The following ADAMDEC1 variants were observed in gnomAD, a reference collection of about 807,000 sequenced individuals.
ADAMDEC1 encodes ADAM DEC1.
A neutral mutation model predicts 60.4 loss-of-function variants in ADAMDEC1; 62 were observed. The observed-to-expected ratio is 1.03, with a 90% CI of 0.84 to 1.27. The LOEUF (loss-of-function observed/expected upper bound fraction) is 1.27, where lower values mean the gene tolerates loss of function less well. Among genes scored for constraint, ADAMDEC1 ranks in the 50% most tolerant of loss-of-function variants. The probability of loss-of-function intolerance (pLI) is 0.00; values close to 1 mark genes in which losing one functional copy is unlikely to be tolerated. For synonymous variants in ADAMDEC1, 210 were observed against 195.1 expected (o/e 1.08, Z -0.64); for missense variants, 595 against 565.0 (o/e 1.05, Z -0.54).
At chr8:24,403,282 A>G (rs1442340050) in intron 12 of ADAMDEC1, among the ~76,000 whole-genome samples, 1 of 152,108 alleles carries the variant, frequency 6.6e-6, no homozygotes, top group East Asian at 1.9e-4. Context: ...TGTATACTTC[A>G]TACAGTATTG....
At position 24,405,407 on chromosome 8, in the gene ADAMDEC1, C is replaced by A; in HGVS notation, c.*109C>A. On this transcript the variant is annotated 3_prime_UTR_variant, in exon 14 of 14. Transcript: ENST00000256412. ...TCACCCATAATGGTCTTTCACTTGT[C>A]ATTCTACTTTCTATATTGTTATCAG... The A allele has an allele frequency of 1.6e-6, 2 of 1,254,630 alleles. No homozygotes were observed. Among genetic ancestry groups the A allele is most frequent in the South Asian group, 1.3e-5 (1 of 76,380 alleles). 77.7% of individuals were successfully genotyped at this position (1,254,630 alleles called of 1,614,324 possible).
chr8:24,397,834 C>A, intron 7 of ADAMDEC1, 89 bp downstream of exon 7: 1 of 1,267,696 alleles, frequency 7.9e-7, no homozygotes, highest in Non-Finnish European at 1.1e-6. Flanking sequence ...ACTATTTTAG[C>A]TAATCATGGG....
In ADAMDEC1 at chr8:24,403,348, G is replaced by T. The variant is rs568990959; in HGVS notation, c.1321-655G>T. ...TGATATCCCAGTTTATTATTCCTAG[G>T]TATATAGTTAGGGTTTTTTTTTTAG... On this transcript the variant is annotated intron_variant, in intron 12 of 13. Coordinates refer to ENST00000256412, the MANE Select transcript of ADAMDEC1 (RefSeq NM_014479.3). 8.6e-5 allele frequency among the ~76,000 whole-genome samples: 13 copies of T among 151,702 alleles called. No homozygotes were observed. In the East Asian group the frequency reaches 1.5e-3, roughly 18 times the overall value.
At chr8:24,396,392 G>A (rs576449496) in intron 5 of ADAMDEC1, among the ~76,000 whole-genome samples, 34 of 152,138 alleles carry the variant, frequency 2.2e-4, no homozygotes, top group Admixed American at 7.9e-4. Context: ...GGCGCCTGTA[G>A]TCCCAGCTAC....
chr8:24,392,885 GGTTTTTTT>G lies in ADAMDEC1; in HGVS notation c.208-376_208-369del, dbSNP rs1199364594. On this transcript the variant is annotated intron_variant, in intron 2 of 13. Coordinates refer to ENST00000256412, the MANE Select transcript of ADAMDEC1 (RefSeq NM_014479.3). Reference sequence around the variant, plus strand: ...TTACCTAATTCTTAGTGGGTTGAGAGGTTTTTTTTTTTTTTTTTTTTTTTTTTAGTATT... The same window carrying G: ...TTACCTAATTCTTAGTGGGTTGAGAGTTTTTTTTTTTTTTTTTTTAGTATT... 9.9e-3 allele frequency among the ~76,000 whole-genome samples: 854 copies of G among 85,964 alleles called. 8 individuals are homozygous for G. Among genetic ancestry groups the G allele is most frequent in the African/African-American group, 0.028 (828 of 29,100 alleles). 56.4% of individuals were successfully genotyped at this position (85,964 alleles called of 152,430 possible). A position where few individuals can be genotyped will look rare whatever the true frequency, so the allele number is the denominator to read the frequency against.
rs908438733 is a variant in ADAMDEC1 at position 24,405,371 on chromosome 8, C to A, written c.*73C>A. ...CAAGAACTCTAACTGTCCCAGGAAT[C>A]TTGTGAATTTTCACCCATAATGGTC... On this transcript the variant is annotated 3_prime_UTR_variant, in exon 14 of 14. Transcript: ENST00000256412. 122 of 1,556,372 alleles carry A rather than the reference C, an allele frequency of 7.8e-5. No individual in the cohort carries two copies. Among genetic ancestry groups the A allele is most frequent in the Non-Finnish European group, 1.0e-4 (118 of 1,134,808 alleles).
chr8:24,389,135 G>C (rs1817372947), intron 1 of ADAMDEC1, among the ~76,000 whole-genome samples: 1 of 152,058 alleles, frequency 6.6e-6, no homozygotes. Context: ...CCCAGAACAG[G>C]GATTAATCAG....
rs1247604231 is a variant in ADAMDEC1, at chr8:24,401,925, C to A, written c.1153C>A (p.Pro385Thr). 8.1e-6 allele frequency: 13 copies of A among 1,608,106 alleles called. No individual in the cohort carries two copies. The highest frequency in any genetic ancestry group is 1.3e-5 in the African/African-American group (1 of 74,636). ...VMNQYLSSKF[P>T]KDFSTSCRAH... is the part of the protein sequence containing the mutation. ...TTCTTCTGATTACAGTTCAAAATTC[C>A]CAAAGGATTTCAGTACATCTTGCCG... The change falls in exon 12 of 14, where the codon CCA (proline) becomes ACA (threonine). Residue 385 changes from proline (P) to threonine (T), a missense_variant. Physicochemically the swap from Pro to Thr is conservative, Grantham distance 38. Coordinates refer to ENST00000256412, the MANE Select transcript of ADAMDEC1 (RefSeq NM_014479.3).
At chr8:24,393,484 C>A in intron 3 of ADAMDEC1, 146 bp downstream of exon 3, 1 of 476,220 alleles carries the variant, frequency 2.1e-6, no homozygotes. Flanking sequence ...GCTAAAAAGG[C>A]TGATTTCCTA....
rs954493083 is a variant in ADAMDEC1, at chr8:24,402,070, A to G, written c.1298A>G (p.Asp433Gly). The G allele has an allele frequency of 1.9e-6, 3 of 1,611,530 alleles. No individual in the cohort carries two copies. In the African/African-American group the frequency reaches 4.0e-5, roughly 22 times the overall value. ...AACCACCTTCTAGAAGTGGGAGAAG[A>G]CTGTGATTGTGGCTCTCCTAAGGTA... ...CGNHLLEVGEDCDCGSPKECT... is the reference protein window; with the variant it reads ...CGNHLLEVGEGCDCGSPKECT... Residue 433 changes from aspartate (D) to glycine (G), a missense_variant, in exon 12 of 14, where the codon GAC (aspartate) becomes GGC (glycine). Asp to Gly is a moderately conservative substitution (Grantham distance 94). Transcript: ENST00000256412.
chr8:24,397,366 A>C lies in ADAMDEC1; in HGVS notation c.537A>C (p.Glu179Asp). Residue 179 changes from glutamate (E) to aspartate (D), a missense_variant, in exon 6 of 14, where the codon GAA becomes GAC. Transcript: ENST00000256412. The stretch of plus-strand genomic sequence containing the variant: ...CCGTCTTTACATCTAACCAGGAGGA[A>C]CAAGACCCAGCTAACCACACATGTG... ...EHAVFTSNQE[E>D]QDPANHTCGV... The C allele has an allele frequency of 6.2e-7, 1 of 1,614,122 alleles. No homozygotes were observed.
chr8:24,404,239 CATT>C, intron 13 of ADAMDEC1, 151 bp downstream of exon 13: 1 of 660,922 alleles, frequency 1.5e-6, no homozygotes, highest in East Asian at 2.7e-5. Flanking sequence ...AACTAGCAAT[CATT>C]ATGAGCATGA....
At position 24,398,788 on chromosome 8, in the gene ADAMDEC1, T is replaced by C. The variant is rs547461088; in HGVS notation, c.763-86T>C. Reference sequence around the variant, plus strand: ...AAATTCATTACTTGTAGTCCATCACTTTATCTATTACTTGTGGTCAACAAA... The same window carrying C: ...AAATTCATTACTTGTAGTCCATCACCTTATCTATTACTTGTGGTCAACAAA... On this transcript the variant is annotated intron_variant, in intron 8 of 13. Coordinates refer to ENST00000256412, the MANE Select transcript of ADAMDEC1 (RefSeq NM_014479.3). 2.9e-6 allele frequency: 4 copies of C among 1,377,954 alleles called. 1 individual carries two copies. In the African/African-American group the frequency reaches 5.9e-5, roughly 20 times the overall value. 85.4% of individuals were successfully genotyped at this position (1,377,954 alleles called of 1,614,324 possible). A position where few individuals can be genotyped will look rare whatever the true frequency, so the allele number is the denominator to read the frequency against.
chr8:24,404,839 C>A (rs772175917), intron 13 of ADAMDEC1, among the ~76,000 whole-genome samples: 5 of 152,074 alleles, frequency 3.3e-5, no homozygotes, highest in Non-Finnish European at 7.4e-5. Context: ...AAGATAAGGA[C>A]CAACGCTTGT....
In ADAMDEC1 at chr8:24,398,855, A is replaced by G; in HGVS notation, c.763-19A>G. 1.9e-6 allele frequency: 3 copies of G among 1,609,264 alleles called. No individual in the cohort carries two copies. Among genetic ancestry groups the G allele is most frequent in the Non-Finnish European group, 2.5e-6 (3 of 1,178,522 alleles). On this transcript the variant is annotated intron_variant, in intron 8 of 13. Coordinates refer to ENST00000256412, the MANE Select transcript of ADAMDEC1 (RefSeq NM_014479.3). The stretch of plus-strand genomic sequence containing the variant: ...AGGAATCCTGAACATTTTTATGAAG[A>G]TAAATGCTCTTTCCACAGATATATA...
At chr8:24,403,339 T>G (rs150358705) in intron 12 of ADAMDEC1, among the ~76,000 whole-genome samples, 106 of 152,220 alleles carry the variant, frequency 7.0e-4, no homozygotes, top group African/African-American at 2.2e-3. Flanking sequence ...CCCAGTTTAT[T>G]ATTCCTAGGT....
chr8:24,398,552 G>C lies in ADAMDEC1; in HGVS notation c.762+1G>C. The C allele has an allele frequency of 6.3e-7, 1 of 1,592,450 alleles. No individual in the cohort carries two copies. The highest frequency in any genetic ancestry group is 8.6e-7 in the Non-Finnish European group (1 of 1,165,540). ...TGATGTGATGAACCTACTCAATGTG[G>C]TAAGACATTAGTCATGTAAACCTCA... On this transcript the variant is annotated splice_donor_variant, in intron 8 of 13. Transcript: ENST00000256412. LOFTEE classifies it high-confidence loss of function.
rs567888675 is a variant in ADAMDEC1 at position 24,385,740 on chromosome 8, A to T, written c.88+1148A>T. Among the ~76,000 whole-genome samples the T allele has an allele frequency of 2.3e-4, 35 of 152,322 alleles. 1 individual carries two copies. In the South Asian group the frequency reaches 7.2e-3, roughly 32 times the overall value. The stretch of plus-strand genomic sequence containing the variant: ...AGCTCTGCTAGGATGAAAGACAGAG[A>T]AGAGTTTAAAATAGAATGAGGGCTA... On this transcript the variant is annotated intron_variant, in intron 1 of 13. Transcript: ENST00000256412.
rs1817875285 is a variant in ADAMDEC1 at position 24,405,828 on chromosome 8, T to C, written c.*530T>C. The C allele has an allele frequency of 6.6e-6, 1 of 152,654 alleles. No individual in the cohort carries two copies. Among genetic ancestry groups the C allele is most frequent in the Non-Finnish European group, 1.5e-5 (1 of 68,400 alleles). The allele number at this position is 152,654 out of a possible 1,614,324, so 9.5% of individuals were successfully genotyped here. On this transcript the variant is annotated 3_prime_UTR_variant, in exon 14 of 14. Coordinates refer to ENST00000256412, the MANE Select transcript of ADAMDEC1 (RefSeq NM_014479.3). The stretch of plus-strand genomic sequence containing the variant: ...GAAAGTGCAGTATTTTTCTACATCA[T>C]GTCAAGAATGATTCAATGTAAATAT...
Sources: allele counts gnomAD v4.1 joint callset (sites outside exome capture counted in the v4.1 genomes callset), GRCh38; gene constraint gnomAD v4.1.1; transcripts MANE v1.5; gene names NCBI Gene and HGNC (gene_info 2026-07-23, HGNC 2026-07-21).